Variants in KLF12 observed in about 807,000 individuals in gnomAD.
KLF12 encodes KLF transcription factor 12.
A neutral mutation model predicts 37.8 loss-of-function variants in KLF12; 9 were observed. The observed-to-expected ratio is 0.24, with a 90% CI of 0.14 to 0.42. KLF12 has a LOEUF of 0.42. Ranked by LOEUF, KLF12 falls within the 10% of genes least tolerant of loss-of-function variation. KLF12 has a pLI of 1.00. For missense variants in KLF12, 411 were observed against 516.0 expected, an observed-to-expected ratio of 0.80 and a Z score of 1.97; for synonymous variants, 208 against 202.1, an observed-to-expected ratio of 1.03 and a Z score of -0.25.
At chr13:74,178,269 G>A in the KLF12 span, among the ~76,000 whole-genome samples, 1 of 152,178 alleles carries the variant, frequency 6.6e-6, no homozygotes, top group Admixed American at 6.5e-5. Context: ...CCACTCACTA[G>A]GCTACTGCTT....
At chr13:74,067,157 CA>C (rs1468744217) in intron 1 of KLF12, among the ~76,000 whole-genome samples, 1 of 152,080 alleles carries the variant, frequency 6.6e-6, no homozygotes, top group Non-Finnish European at 1.5e-5. Context: ...AACAACCTTG[CA>C]AAGTATTCCA....
At chr13:73,949,399 T>C (rs1890563030) in intron 2 of KLF12, among the ~76,000 whole-genome samples, 1 of 152,236 alleles carries the variant, frequency 6.6e-6, no homozygotes, top group Non-Finnish European at 1.5e-5. Context: ...AATCAGTCTC[T>C]GGTTTCAAAG....
At chr13:73,769,410 T>C (rs1026767806) in intron 5 of KLF12, among the ~76,000 whole-genome samples, 1 of 152,234 alleles carries the variant, frequency 6.6e-6, no homozygotes, top group African/African-American at 2.4e-5. Context: ...GCTTCTTTAC[T>C]CAGCAGCCAA....
the KLF12 span, among the ~76,000 whole-genome samples, chr13:74,149,138 T>A: frequency 6.6e-6 from 1 of 152,186 alleles, no homozygotes; most frequent in Non-Finnish European, 1.5e-5. Context: ...CTTAACAATC[T>A]CAGCCCACTC....
At chr13:74,067,426 C>T (rs112938565) in intron 1 of KLF12, among the ~76,000 whole-genome samples, 2,166 of 152,218 alleles carry the variant, frequency 0.014, 24 homozygotes, top group Middle Eastern at 0.024. Context: ...AAAGCAAAGA[C>T]CTGTTTGGCA....
intron 2 of KLF12, among the ~76,000 whole-genome samples, chr13:73,979,432 G>T (rs2138168081): frequency 6.6e-6 from 1 of 150,472 alleles, no homozygotes; most frequent in African/African-American, 2.5e-5. Context: ...TGTCTGGAGA[G>T]AAATTTTTTA....
chr13:73,883,677 T>C (rs949223505), intron 3 of KLF12, among the ~76,000 whole-genome samples: 26 of 152,222 alleles, frequency 1.7e-4, no homozygotes, highest in African/African-American at 6.3e-4. Context: ...CCATCTTTGC[T>C]TCAAGGAGCT....
intron 6 of KLF12, among the ~76,000 whole-genome samples, chr13:73,725,149 G>A (rs536322271): frequency 1.3e-5 from 2 of 152,164 alleles, no homozygotes; most frequent in East Asian, 1.9e-4. Flanking sequence ...TTGCCAAGCT[G>A]GAGTGCAGTG....
At chr13:74,041,721 CACA>C (rs1893407089) in intron 1 of KLF12, among the ~76,000 whole-genome samples, 1 of 151,138 alleles carries the variant, frequency 6.6e-6, no homozygotes, top group African/African-American at 2.5e-5. Context: ...CACACACACA[CACA>C]CACACACACC....
the KLF12 span, among the ~76,000 whole-genome samples, chr13:74,162,095 T>C: frequency 2.0e-5 from 3 of 152,234 alleles, no homozygotes; most frequent in African/African-American, 7.2e-5. Flanking sequence ...CAGCCACATA[T>C]ATTACTTTTA....
At chr13:74,184,277 T>C in the KLF12 span, among the ~76,000 whole-genome samples, 8 of 152,220 alleles carry the variant, frequency 5.3e-5, no homozygotes, top group Non-Finnish European at 1.2e-4. Context: ...AAAACACTAA[T>C]AAATATCATT....
chr13:74,249,918 G>A, the KLF12 span, among the ~76,000 whole-genome samples: 3 of 152,182 alleles, frequency 2.0e-5, no homozygotes, highest in Non-Finnish European at 4.4e-5. Flanking sequence ...CTTGTGCTTT[G>A]ATTTCAAGTT....
At chr13:73,767,391 TA>T (rs897085121) in intron 5 of KLF12, among the ~76,000 whole-genome samples, 1 of 152,222 alleles carries the variant, frequency 6.6e-6, no homozygotes, top group Non-Finnish European at 1.5e-5. Flanking sequence ...ATTCTTCCCT[TA>T]GCCTCACACA....
rs535666433 is a variant in KLF12 at position 74,133,210 on chromosome 13, C to T, written c.-32+529G>A. Reference sequence around the variant, plus strand: ...CCAGCAGTGTCATCTCCGCCTTAACCCCTTCCCCTCCACTCTCTCCAGCGC... The same window carrying T: ...CCAGCAGTGTCATCTCCGCCTTAACTCCTTCCCCTCCACTCTCTCCAGCGC... On this transcript the variant is annotated intron_variant, in intron 1 of 7. Transcript: ENST00000377669. 8.5e-5 allele frequency among the ~76,000 whole-genome samples: 13 copies of T among 152,202 alleles called. No individual in the cohort carries two copies. The South Asian group carries it at 2.7e-3, about 32-fold the overall frequency.
intron 3 of KLF12, among the ~76,000 whole-genome samples, chr13:73,921,119 T>C (rs899283685): frequency 1.3e-5 from 2 of 152,162 alleles, no homozygotes; most frequent in Admixed American, 6.5e-5. Context: ...CTAAAAATCA[T>C]TCACTCTTCC....
intron 3 of KLF12, among the ~76,000 whole-genome samples, chr13:73,895,371 G>A (rs778952370): frequency 2.0e-4 from 31 of 152,120 alleles, no homozygotes; most frequent in Non-Finnish European, 3.2e-4. Context: ...GTCTCTAGTC[G>A]TCTTAAGGAT....
chr13:73,831,282 A>C (rs984881359), intron 4 of KLF12, among the ~76,000 whole-genome samples: 2 of 152,204 alleles, frequency 1.3e-5, no homozygotes, highest in Admixed American at 1.3e-4. Context: ...TGCCCTTATA[A>C]GTGGTACAGA....
the KLF12 span, among the ~76,000 whole-genome samples, chr13:74,199,968 T>A: frequency 6.6e-6 from 1 of 152,108 alleles, no homozygotes; most frequent in African/African-American, 2.4e-5. Context: ...CAGTAAACAC[T>A]TATAGCATCC....
chr13:74,016,968 T>A (rs149469238), intron 1 of KLF12, among the ~76,000 whole-genome samples: 4 of 152,280 alleles, frequency 2.6e-5, no homozygotes, highest in African/African-American at 9.6e-5. Flanking sequence ...AAAATTCATA[T>A]GGACCCCCAA....
Sources: allele counts gnomAD v4.1 joint callset (sites outside exome capture counted in the v4.1 genomes callset), GRCh38; gene constraint gnomAD v4.1.1; transcripts MANE v1.5; gene names NCBI Gene and HGNC (gene_info 2026-07-23, HGNC 2026-07-21).